The following TECRL variants were observed in gnomAD, a reference collection of about 807,000 sequenced individuals.
TECRL encodes the protein trans-2,3-enoyl-CoA reductase-like.
A neutral mutation model predicts 52.8 loss-of-function variants in TECRL; 63 were observed. The observed-to-expected ratio is 1.19, with a 90% confidence interval of 0.97 to 1.47. The LOEUF is 1.47. Ranked by LOEUF, TECRL falls within the 40% of genes most tolerant of loss-of-function variation. The pLI is 0.00. For synonymous variants in TECRL, 164 were observed against 141.9 expected, an observed-to-expected ratio of 1.16 and a Z score of -1.10; for missense variants, 482 against 429.6, an observed-to-expected ratio of 1.12 and a Z score of -1.08.
At chr4:64,296,910 G>C (rs1315723304) in intron 8 of TECRL, among the ~76,000 whole-genome samples, 2 of 151,560 alleles carry the variant, frequency 1.3e-5, no homozygotes, top group African/African-American at 4.8e-5. Context: ...GCCTGTATTT[G>C]ATTCTCCTTA....
intron 2 of TECRL, among the ~76,000 whole-genome samples, chr4:64,351,810 T>G (rs1720411109): frequency 6.6e-6 from 1 of 152,204 alleles, no homozygotes; most frequent in Non-Finnish European, 1.5e-5. Flanking sequence ...ATGGTATATG[T>G]TATTTATGGA....
intron 7 of TECRL, among the ~76,000 whole-genome samples, chr4:64,301,398 C>T: frequency 6.6e-6 from 1 of 151,144 alleles, no homozygotes; most frequent in South Asian, 2.1e-4. Flanking sequence ...CTGTATCAGC[C>T]ATAATTCTTT....
At chr4:64,313,322 C>T (rs748922282) in intron 5 of TECRL, among the ~76,000 whole-genome samples, 1 of 150,182 alleles carries the variant, frequency 6.7e-6, no homozygotes, top group Admixed American at 6.6e-5. Context: ...CAACAAATTT[C>T]CCTCCCCAGA....
intron 2 of TECRL, among the ~76,000 whole-genome samples, chr4:64,355,736 A>G (rs1257573976): frequency 1.3e-4 from 19 of 148,084 alleles, no homozygotes; most frequent in Admixed American, 2.8e-4. Flanking sequence ...CGGAGCTTGC[A>G]GTGAGCCGAG....
At chr4:64,378,948 T>C (rs1436615577) in intron 1 of TECRL, among the ~76,000 whole-genome samples, 2 of 151,692 alleles carry the variant, frequency 1.3e-5, no homozygotes, top group South Asian at 2.1e-4. Flanking sequence ...TAAAACTATA[T>C]GTATATACAT....
chr4:64,300,064 A>G, intron 7 of TECRL, 47 bp from the exon 8 acceptor site: 1 of 1,407,000 alleles, frequency 7.1e-7, no homozygotes, highest in Non-Finnish European at 9.8e-7. Context: ...CATAGTTTGG[A>G]TTGTCAAATA....
At chr4:64,320,012 T>G (rs1415108767) in intron 4 of TECRL, among the ~76,000 whole-genome samples, 1 of 151,890 alleles carries the variant, frequency 6.6e-6, no homozygotes, top group African/African-American at 2.4e-5. Flanking sequence ...TTCTCTATCT[T>G]GACATTGGTG....
chr4:64,295,056 A>T (rs1723602658), intron 8 of TECRL, among the ~76,000 whole-genome samples: 1 of 151,538 alleles, frequency 6.6e-6, no homozygotes, highest in African/African-American at 2.4e-5. Context: ...CCTTTTTTCA[A>T]TTTGTACTTT....
At chr4:64,380,955 A>G (rs1033633489) in intron 1 of TECRL, among the ~76,000 whole-genome samples, 2 of 152,018 alleles carry the variant, frequency 1.3e-5, no homozygotes, top group South Asian at 2.1e-4. Flanking sequence ...TTGATAGGGA[A>G]TGTATTGAAT....
chr4:64,298,817 T>C (rs1160617203), intron 8 of TECRL: 2 of 151,282 alleles, frequency 1.3e-5, no homozygotes, highest in African/African-American at 4.8e-5. Context: ...ATTTTGTTTA[T>C]CCATGAATTT....
intron 8 of TECRL, among the ~76,000 whole-genome samples, chr4:64,295,182 A>C (rs1002346023): frequency 8.6e-5 from 13 of 151,602 alleles, no homozygotes; most frequent in Non-Finnish European, 1.6e-4. Context: ...GGGTTTAACC[A>C]AAAATACATG....
intron 2 of TECRL, among the ~76,000 whole-genome samples, chr4:64,346,566 C>A (rs1194055061): frequency 1.3e-5 from 2 of 152,270 alleles, no homozygotes; most frequent in African/African-American, 4.8e-5. Flanking sequence ...TACATTGGCC[C>A]CTTTTAGTGA....
intron 2 of TECRL, among the ~76,000 whole-genome samples, chr4:64,352,856 C>T (rs757682858): frequency 5.5e-4 from 83 of 152,136 alleles, no homozygotes; most frequent in African/African-American, 1.9e-3. Context: ...AAAAGTATAA[C>T]TTGTTTTGAC....
chr4:64,284,328 CAGAT>C (rs1389953113), intron 9 of TECRL, among the ~76,000 whole-genome samples: 1 of 151,952 alleles, frequency 6.6e-6, no homozygotes, highest in Non-Finnish European at 1.5e-5. Flanking sequence ...AATCCTAGAG[CAGAT>C]AGTCTACGCA....
intron 3 of TECRL, among the ~76,000 whole-genome samples, chr4:64,323,728 A>G (rs767528312): frequency 3.9e-5 from 6 of 152,196 alleles, no homozygotes; most frequent in Non-Finnish European, 5.9e-5. Context: ...CCTAGATTCA[A>G]CTTCTTGATC....
In TECRL at chr4:64,309,932, C is replaced by T. The variant is rs779673499; in HGVS notation, c.552-1G>A. 2.0e-5 allele frequency: 31 copies of T among 1,566,202 alleles called. No homozygotes were observed. Among genetic ancestry groups the T allele is most frequent in the Non-Finnish European group, 2.6e-5 (30 of 1,152,744 alleles). ...TATACAATGACAGAAGCAAGCCAAG[C>T]TGGAAAAAAAAATAAAACATAAACA... On this transcript the variant is annotated splice_acceptor_variant, in intron 5 of 11. Transcript: ENST00000381210. LOFTEE classifies it high-confidence loss of function.
At chr4:64,352,453 T>G (rs1422028661) in intron 2 of TECRL, among the ~76,000 whole-genome samples, 2 of 152,196 alleles carry the variant, frequency 1.3e-5, no homozygotes, top group Admixed American at 6.5e-5. Context: ...ACAGGAAGCC[T>G]GCATGATTCA....
chr4:64,276,963 C>T, downstream of TECRL: 1 of 1,154,586 alleles, frequency 8.7e-7, no homozygotes, highest in Non-Finnish European at 1.2e-6. Flanking sequence ...ATGGCTGCTA[C>T]AGGATTATAC....
chr4:64,336,834 A>G (rs1719124656), intron 2 of TECRL, among the ~76,000 whole-genome samples: 1 of 152,102 alleles, frequency 6.6e-6, no homozygotes, highest in Non-Finnish European at 1.5e-5. Context: ...GAGTTTCTTA[A>G]TCCTGAGTTC....
Sources: gnomAD v4.1 joint callset for allele counts (sites outside exome capture counted in the v4.1 genomes callset) on GRCh38, gnomAD v4.1.1 for gene constraint, MANE v1.5 for transcripts, NCBI Gene and HGNC (gene_info 2026-07-23, HGNC 2026-07-21) for gene names.